Variants in PCDHGB6 observed in about 807,000 individuals in gnomAD.
PCDHGB6 encodes the protein protocadherin gamma-B6.
In PCDHGB6, 51 loss-of-function variants were observed where a neutral mutation model predicts 59.1. That is an observed-to-expected ratio of 0.86 (90% confidence interval 0.69 to 1.09). PCDHGB6 has a LOEUF of 1.09. Among genes scored for constraint, PCDHGB6 ranks in the 50% least tolerant of loss-of-function variants. The pLI, the probability that PCDHGB6 is intolerant of heterozygous loss-of-function variation, is 0.00. For missense variants in PCDHGB6, 1,148 were observed against 1,205.1 expected (o/e 0.95, Z 0.70); for synonymous variants, 466 against 495.1 (o/e 0.94, Z 0.78).
intron 1 of PCDHGB6, among the ~76,000 whole-genome samples, chr5:141,458,982 C>G (rs2098958289): frequency 6.6e-6 from 1 of 152,164 alleles, no homozygotes; most frequent in Admixed American, 6.5e-5. Flanking sequence ...GTCCTCCTGC[C>G]TCACCCTCCC....
chr5:141,484,845 G>T (rs541372844), intron 1 of PCDHGB6, among the ~76,000 whole-genome samples: 10 of 152,076 alleles, frequency 6.6e-5, no homozygotes, highest in Admixed American at 2.6e-4. Flanking sequence ...GATAGGCTGG[G>T]TTTTTTGGGG....
At chr5:141,417,030 T>G (rs1460954160) in intron 1 of PCDHGB6, 1 of 86,454 alleles carries the variant, frequency 1.2e-5, no homozygotes, top group East Asian at 2.9e-4. Flanking sequence ...AAATACAGGT[T>G]TTTTTTTTAA....
In PCDHGB6 at chr5:141,491,198, A is replaced by T. The variant is rs1344758185; in HGVS notation, c.2419-3609A>T. ...GTGGTCCTGGTGAGGGACAATGGTG[A>T]CCCTTCACTCTCCTCCACAGCCACA... On this transcript the variant is annotated intron_variant, in intron 1 of 3. Coordinates refer to ENST00000520790, the MANE Select transcript of PCDHGB6 (RefSeq NM_018926.3). This position sits in a 1 kb window ranked among gnomAD's most constrained non-coding sequence, Gnocchi z 6.9. 1.2e-6 allele frequency: 2 copies of T among 1,613,912 alleles called. No individual in the cohort carries two copies. The highest frequency in any genetic ancestry group is 1.3e-5 in the African/African-American group (1 of 74,866).
chr5:141,491,368 A>G lies in PCDHGB6; in HGVS notation c.2419-3439A>G. ...CAGTCTCTTATCCCTAGTCACCTTC[A>G]CCTTTCTGTCAGCGAAGTGCCTTCA... On this transcript the variant is annotated intron_variant, in intron 1 of 3. Transcript: ENST00000520790. This position sits in a 1 kb window ranked among gnomAD's most constrained non-coding sequence, Gnocchi z 6.9. 6.2e-7 allele frequency: 1 copy of G among 1,613,842 alleles called. No homozygotes were observed. The highest frequency in any genetic ancestry group is 8.5e-7 in the Non-Finnish European group (1 of 1,179,940).
intron 1 of PCDHGB6, among the ~76,000 whole-genome samples, chr5:141,450,832 T>TTATTA (rs764784095): frequency 5.6e-5 from 8 of 142,316 alleles, no homozygotes; most frequent in African/African-American, 2.2e-4. Context: ...TATTATTATT[T>TTATTA]TTTTTTTTTT....
At position 141,491,566 on chromosome 5, in the gene PCDHGB6, A is replaced by G; in HGVS notation, c.2419-3241A>G. Reference sequence around the variant, plus strand: ...AGACTCGCAGAGCCACTGCTACAGGACGTGCTTTTCACCGGCCTCGGACGG... The same window carrying G: ...AGACTCGCAGAGCCACTGCTACAGGGCGTGCTTTTCACCGGCCTCGGACGG... On this transcript the variant is annotated intron_variant, in intron 1 of 3. Transcript: ENST00000520790. This position sits in a 1 kb window ranked among gnomAD's most constrained non-coding sequence, Gnocchi z 6.9. 1 of 1,613,950 alleles carries G rather than the reference A, an allele frequency of 6.2e-7. No individual in the cohort carries two copies.
Position 141,431,151 on chromosome 5 carries a change from C to T in PCDHGB6, c.2418+20531C>T, listed in dbSNP as rs764416448. The T allele has an allele frequency of 6.2e-7, 1 of 1,614,126 alleles. No individual in the cohort carries two copies. Among genetic ancestry groups the T allele is most frequent in the African/African-American group, 1.3e-5 (1 of 74,954 alleles). On this transcript the variant is annotated intron_variant, in intron 1 of 3. Coordinates refer to ENST00000520790, the MANE Select transcript of PCDHGB6 (RefSeq NM_018926.3). The surrounding 1 kb of genome is among the most constrained non-coding windows in gnomAD (Gnocchi z 4.8). ...GTAAGGGACATTAACGACAATGCGC[C>T]TTACTTTCGTGAAAGTGAATTAGAA...
chr5:141,494,764 T>A (rs773955144), intron 1 of PCDHGB6, 43 bp from the exon 2 acceptor site: 1 of 1,613,932 alleles, frequency 6.2e-7, no homozygotes, highest in Non-Finnish European at 8.5e-7. Context: ...ACATTCTAAC[T>A]TCTCACGGGT....
In PCDHGB6 at chr5:141,414,129, C is replaced by A. The variant is rs1487550233; in HGVS notation, c.2418+3509C>A. The A allele has an allele frequency of 1.9e-6, 3 of 1,594,152 alleles. No homozygotes were observed. In the Admixed American group the frequency reaches 5.3e-5, roughly 28 times the overall value. ...ATCTAGATTATGAAGAAACCGGTTT[C>A]TATGAAATAGAAATACAAGCAGAAG... On this transcript the variant is annotated intron_variant, in intron 1 of 3. Coordinates refer to ENST00000520790, the MANE Select transcript of PCDHGB6 (RefSeq NM_018926.3).
intron 1 of PCDHGB6, among the ~76,000 whole-genome samples, chr5:141,456,780 T>A (rs1392367637): frequency 1.3e-5 from 2 of 152,000 alleles, no homozygotes; most frequent in Non-Finnish European, 2.9e-5. Flanking sequence ...CTGGCCTACA[T>A]GGCAAAACCC....
In PCDHGB6 at chr5:141,440,050, G is replaced by C. The variant is rs747798063; in HGVS notation, c.2418+29430G>C. On this transcript the variant is annotated intron_variant, in intron 1 of 3. Coordinates refer to ENST00000520790, the MANE Select transcript of PCDHGB6 (RefSeq NM_018926.3). ...GTGTCGAGGACATGCCCACTTGAAA[G>C]CTTCGGGTTAATGCTGAGGAATAAT... 6 of 152,826 alleles carry C rather than the reference G, an allele frequency of 3.9e-5. No homozygotes were observed. The East Asian group carries it at 1.2e-3, about 29-fold the overall frequency. 9.5% of individuals were successfully genotyped at this position (152,826 alleles called of 1,614,324 possible). A position where few individuals can be genotyped will look rare whatever the true frequency, so the allele number is the denominator to read the frequency against.
Position 141,432,038 on chromosome 5 carries a change from C to A in PCDHGB6, c.2418+21418C>A. On this transcript the variant is annotated intron_variant, in intron 1 of 3. Transcript: ENST00000520790. The surrounding 1 kb of genome is among the most constrained non-coding windows in gnomAD (Gnocchi z 6.0). ...CAACATCACAGTGACCGCCACTGAC[C>A]GGGGAACCCCGCCCCTATCCACGGA... 1 of 1,614,190 alleles carries A rather than the reference C, an allele frequency of 6.2e-7. No homozygotes were observed. The highest frequency in any genetic ancestry group is 1.1e-5 in the South Asian group (1 of 91,072).
chr5:141,437,651 CAT>C (rs1255783396), intron 1 of PCDHGB6, among the ~76,000 whole-genome samples: 2 of 151,990 alleles, frequency 1.3e-5, no homozygotes, highest in Non-Finnish European at 2.9e-5. Context: ...AAAGCAAACA[CAT>C]AGTTTCGAAG....
intron 1 of PCDHGB6, chr5:141,426,876 C>G (rs796453479): frequency 2.2e-6 from 1 of 456,726 alleles, no homozygotes; most frequent in Admixed American, 2.3e-5. Flanking sequence ...GGAGAAGCCC[C>G]TGGGCCAGGA....
chr5:141,482,747 G>T lies in PCDHGB6; in HGVS notation c.2419-12060G>T, dbSNP rs182945398. On this transcript the variant is annotated intron_variant, in intron 1 of 3. Transcript: ENST00000520790. ...CATTGCAAGAAATTCCATGCAGAGG[G>T]ATTATGGTATTTCATTATCACTGAA... Among the ~76,000 whole-genome samples, 567 of 128,410 alleles carry T rather than the reference G, an allele frequency of 4.4e-3. 2 individuals carry two copies. The highest frequency in any genetic ancestry group is 0.019 in the African/African-American group (533 of 28,666). The allele number at this position is 128,410 out of a possible 152,430, so 84.2% of individuals were successfully genotyped here. A position where few individuals can be genotyped will look rare whatever the true frequency, so the allele number is the denominator to read the frequency against.
rs1005367761 is a variant in PCDHGB6, at chr5:141,408,969, C to G, written c.767C>G (p.Pro256Arg). Residue 256 changes from proline to arginine, a missense_variant, in exon 1 of 4, where the codon CCC becomes CGC. Pro to Arg is a moderately radical substitution (Grantham distance 103). Transcript: ENST00000520790. Reference sequence around the variant, plus strand: ...AGAATTAGTCTTAGTGAAAATCTGCCCCCTGGGTCCCCTGTGTTGCAAGTG... The same window carrying G: ...AGAATTAGTCTTAGTGAAAATCTGCGCCCTGGGTCCCCTGTGTTGCAAGTG... ...EYRISLSENL[P>R]PGSPVLQVTA... The G allele has an allele frequency of 6.2e-7, 1 of 1,613,594 alleles. No individual in the cohort carries two copies. Among genetic ancestry groups the G allele is most frequent in the African/African-American group, 1.3e-5 (1 of 74,866 alleles).
At position 141,460,518 on chromosome 5, in the gene PCDHGB6, C is replaced by T. The variant is rs190277142; in HGVS notation, c.2419-34289C>T. ...AAATATGCTGAGAAGGCTATCTTTT[C>T]CCCACCAAATAATCTTAGCACCTTA... On this transcript the variant is annotated intron_variant, in intron 1 of 3. Coordinates refer to ENST00000520790, the MANE Select transcript of PCDHGB6 (RefSeq NM_018926.3). Among the ~76,000 whole-genome samples, 53 of 152,196 alleles carry T rather than the reference C, an allele frequency of 3.5e-4. 1 individual carries two copies. Among genetic ancestry groups the T allele is most frequent in the African/African-American group, 1.2e-3 (50 of 41,522 alleles).
At chr5:141,423,707 G>A in intron 1 of PCDHGB6, 1 of 1,164,238 alleles carries the variant, frequency 8.6e-7, no homozygotes, top group Non-Finnish European at 1.1e-6. Flanking sequence ...CTTGGCACAA[G>A]TCTTTTAAGG....
Position 141,485,631 on chromosome 5 carries a change from C to T in PCDHGB6, c.2419-9176C>T. 6.2e-7 allele frequency: 1 copy of T among 1,611,764 alleles called. No homozygotes were observed. The highest frequency in any genetic ancestry group is 8.5e-7 in the Non-Finnish European group (1 of 1,178,360). Reference sequence around the variant, plus strand: ...GCAGCTCCTCCAGGACAGCGTTTCCCGTTGGAAAAGGCTCAGGATGCAGAT... The same window carrying T: ...GCAGCTCCTCCAGGACAGCGTTTCCTGTTGGAAAAGGCTCAGGATGCAGAT... On this transcript the variant is annotated intron_variant, in intron 1 of 3. Coordinates refer to ENST00000520790, the MANE Select transcript of PCDHGB6 (RefSeq NM_018926.3). The surrounding 1 kb of genome is among the most constrained non-coding windows in gnomAD (Gnocchi z 5.7).
Sources: allele counts gnomAD v4.1 joint callset (sites outside exome capture counted in the v4.1 genomes callset), GRCh38; gene constraint gnomAD v4.1.1; non-coding constraint Gnocchi (gnomAD v3.1); transcripts MANE v1.5; gene names NCBI Gene and HGNC (gene_info 2026-07-23, HGNC 2026-07-21).